The following TNIP3 variants were observed in gnomAD, a reference collection of about 807,000 sequenced individuals.
TNIP3 encodes the protein TNFAIP3 interacting protein 3, also known as TNFAIP3-interacting protein 3.
In TNIP3, 34 loss-of-function variants were observed where a neutral mutation model predicts 54.1. That is an observed-to-expected ratio of 0.63 (90% CI 0.48 to 0.84). The LOEUF (loss-of-function observed/expected upper bound fraction) is 0.84, where lower values mean the gene tolerates loss of function less well. Ranked by LOEUF, TNIP3 falls within the 40% of genes least tolerant of loss-of-function variation. The probability of loss-of-function intolerance (pLI) is 0.00; values close to 1 mark genes in which losing one functional copy is unlikely to be tolerated. For missense variants in TNIP3, 366 were observed against 387.6 expected, an observed-to-expected ratio of 0.94 and a Z score of 0.47; for synonymous variants, 134 against 136.8, an observed-to-expected ratio of 0.98 and a Z score of 0.14.
At chr4:121,145,736 TA>T (rs1456985299) in intron 7 of TNIP3, among the ~76,000 whole-genome samples, 14 of 151,940 alleles carry the variant, frequency 9.2e-5, no homozygotes, top group African/African-American at 3.4e-4. Flanking sequence ...AAAAAACAAA[TA>T]TTTTTTGTTC....
chr4:121,153,018 C>T (rs28380115), intron 5 of TNIP3, among the ~76,000 whole-genome samples: 9,014 of 151,970 alleles, frequency 0.059, 888 homozygotes, highest in African/African-American at 0.2. Context: ...AAAATTAAAC[C>T]GGGAAATACC....
upstream of TNIP3, among the ~76,000 whole-genome samples, chr4:121,220,418 G>A (rs903898602): frequency 6.6e-6 from 1 of 152,088 alleles, no homozygotes; most frequent in Non-Finnish European, 1.5e-5. Flanking sequence ...TCTTTACAAG[G>A]GAGCAAAAAT....
chr4:121,158,385 G>A (rs1183567155), intron 3 of TNIP3, among the ~76,000 whole-genome samples: 1 of 152,176 alleles, frequency 6.6e-6, no homozygotes, highest in Non-Finnish European at 1.5e-5. Flanking sequence ...GTGGCTTCTA[G>A]TGACAAAGGT....
At chr4:121,151,829 C>T (rs1729777733) in intron 5 of TNIP3, among the ~76,000 whole-genome samples, 1 of 152,146 alleles carries the variant, frequency 6.6e-6, no homozygotes, top group Non-Finnish European at 1.5e-5. Context: ...CCATTTTGGG[C>T]TTTCCCAACT....
At chr4:121,209,457 C>T (rs1296077266) in intron 2 of TNIP3, among the ~76,000 whole-genome samples, 1 of 152,084 alleles carries the variant, frequency 6.6e-6, no homozygotes, top group African/African-American at 2.4e-5. Flanking sequence ...AATTATTGGA[C>T]ACATAGTTGG....
At position 121,196,175 on chromosome 4, in the gene TNIP3, T is replaced by C. The variant is rs573821923; in HGVS notation, c.69-13379A>G. ...TGAGCTCTTAACCACTGCATTTACT[T>C]AGGAATAAATGATCCATTTTCTGTA... On this transcript the variant is annotated intron_variant, in intron 2 of 12. Coordinates refer to the TNIP3 transcript ENST00000507879. 7.2e-5 allele frequency among the ~76,000 whole-genome samples: 11 copies of C among 152,348 alleles called. No homozygotes were observed. The South Asian group carries it at 2.3e-3, about 32-fold the overall frequency.
intron 2 of TNIP3, among the ~76,000 whole-genome samples, chr4:121,185,300 C>G (rs1463692815): frequency 6.6e-6 from 1 of 152,212 alleles, no homozygotes; most frequent in African/African-American, 2.4e-5. Flanking sequence ...TGCTCTTCCT[C>G]TGCAAAACTT....
At chr4:121,132,726 C>G in intron 10 of TNIP3, 64 bp from the exon 11 acceptor site, 1 of 1,433,996 alleles carries the variant, frequency 7.0e-7, no homozygotes, top group South Asian at 1.2e-5. Context: ...CTTCTTCTGG[C>G]TTAAGGCTGA....
chr4:121,176,327 C>T lies in TNIP3; in HGVS notation c.189+6349G>A, dbSNP rs757607956. On this transcript the variant is annotated intron_variant, in intron 3 of 12. Transcript: ENST00000507879. ...TTTCAGCCAGGTGTCCAAAGGTTTC[C>T]CAGTGAAAGCTAAACAGATCCTCAC... Among the ~76,000 whole-genome samples the T allele has an allele frequency of 1.8e-4, 28 of 152,146 alleles. 1 individual carries two copies. Among genetic ancestry groups the T allele is most frequent in the Non-Finnish European group, 3.2e-4 (22 of 68,032 alleles).
rs1432853361 is a variant in TNIP3 at position 121,211,072 on chromosome 4, G to A, written c.68+5343C>T. 3.3e-5 allele frequency among the ~76,000 whole-genome samples: 5 copies of A among 152,122 alleles called. No homozygotes were observed. The East Asian group carries it at 9.6e-4, about 29-fold the overall frequency. ...GAAAATAAAGGAACTTACATGGTTAGAACAATGAAAATAACTGGACTTGGA... is the reference window on the plus strand; with the variant it reads ...GAAAATAAAGGAACTTACATGGTTAAAACAATGAAAATAACTGGACTTGGA... On this transcript the variant is annotated intron_variant, in intron 2 of 12. Transcript: ENST00000507879.
At chr4:121,151,369 G>A (rs1346662133) in intron 5 of TNIP3, among the ~76,000 whole-genome samples, 1 of 152,116 alleles carries the variant, frequency 6.6e-6, no homozygotes, top group Non-Finnish European at 1.5e-5. Flanking sequence ...CAAATGTGTG[G>A]TTTTGAGTAT....
upstream of TNIP3, among the ~76,000 whole-genome samples, chr4:121,168,009 T>C (rs1170100065): frequency 5.3e-5 from 8 of 152,110 alleles, no homozygotes; most frequent in African/African-American, 1.9e-4. Flanking sequence ...AATAACACCT[T>C]TTATTCTCCA....
At chr4:121,224,535 A>T (rs770083783) in intron 1 of TNIP3, among the ~76,000 whole-genome samples, 12 of 152,118 alleles carry the variant, frequency 7.9e-5, no homozygotes, top group Non-Finnish European at 1.5e-4. Flanking sequence ...ATGTTTTTTG[A>T]TATTTTTATT....
intron 3 of TNIP3, among the ~76,000 whole-genome samples, chr4:121,181,320 A>G (rs779805001): frequency 6.6e-6 from 1 of 152,202 alleles, no homozygotes; most frequent in Admixed American, 6.5e-5. Context: ...GAAAAAGCAC[A>G]TATTTCCATG....
intron 3 of TNIP3, among the ~76,000 whole-genome samples, chr4:121,169,782 A>G (rs183772849): frequency 6.6e-5 from 10 of 152,344 alleles, no homozygotes; most frequent in Admixed American, 5.2e-4. Context: ...GAATCGGGGA[A>G]TGGGGTGTCA....
chr4:121,138,772 A>G, intron 9 of TNIP3, 88 bp from the exon 10 acceptor site: 1 of 1,233,266 alleles, frequency 8.1e-7, no homozygotes, highest in South Asian at 1.2e-5. Flanking sequence ...TGTGGCTTTT[A>G]TTAAGCAGGC....
chr4:121,149,421 G>A (rs1351332148), intron 6 of TNIP3, among the ~76,000 whole-genome samples: 1 of 152,220 alleles, frequency 6.6e-6, no homozygotes, highest in African/African-American at 2.4e-5. Flanking sequence ...TCACCACTCA[G>A]CTGCTACCAT....
At chr4:121,221,919 C>G (rs1337210571) in intron 1 of TNIP3, among the ~76,000 whole-genome samples, 1 of 152,170 alleles carries the variant, frequency 6.6e-6, no homozygotes, top group Non-Finnish European at 1.5e-5. Context: ...ATTTCTTCTT[C>G]ATGCAAAACT....
intron 10 of TNIP3, among the ~76,000 whole-genome samples, chr4:121,133,306 C>T (rs1261096094): frequency 6.6e-6 from 1 of 152,042 alleles, no homozygotes; most frequent in Non-Finnish European, 1.5e-5. Flanking sequence ...ACTTGTTGTC[C>T]TCATTTGGTA....
Sources: allele counts gnomAD v4.1 joint callset (sites outside exome capture counted in the v4.1 genomes callset), GRCh38; gene constraint gnomAD v4.1.1; transcripts MANE v1.5; gene names NCBI Gene and HGNC (gene_info 2026-07-23, HGNC 2026-07-21).